Variants in PLCG2 observed in about 807,000 individuals in gnomAD.
The protein encoded by PLCG2 is phospholipase C gamma 2, also known as 1-phosphatidylinositol 4,5-bisphosphate phosphodiesterase gamma-2.
Under a neutral mutation model 175.6 loss-of-function variants are expected in PLCG2, and 69 were observed. The observed-to-expected ratio is 0.39, with a 90% confidence interval of 0.32 to 0.48. The LOEUF (loss-of-function observed/expected upper bound fraction) is 0.48, where lower values mean the gene tolerates loss of function less well. Ranked by LOEUF, PLCG2 falls within the 20% of genes least tolerant of loss-of-function variation. The pLI, the probability that PLCG2 is intolerant of heterozygous loss-of-function variation, is 0.91. For synonymous variants in PLCG2, 827 were observed against 624.0 expected (o/e 1.33, Z -4.85); for missense variants, 1,798 against 1,650.9 (o/e 1.09, Z -1.54).
intron 7 of PLCG2, among the ~76,000 whole-genome samples, chr16:81,877,591 C>A (rs1188177122): frequency 1.3e-5 from 2 of 152,206 alleles, no homozygotes; most frequent in Non-Finnish European, 2.9e-5. Context: ...TCTTTCATGG[C>A]TTCTAGTGGC....
At chr16:81,760,757 AAATAAT>A (rs60607620) in intron 2 of PLCG2, among the ~76,000 whole-genome samples, 19 of 146,378 alleles carry the variant, frequency 1.3e-4, no homozygotes, top group East Asian at 8.0e-4. Context: ...TTAAAAAAAA[AAATAAT>A]AATAATAATA....
chr16:81,821,101 A>G (rs1309550017), intron 2 of PLCG2, among the ~76,000 whole-genome samples: 1 of 152,224 alleles, frequency 6.6e-6, no homozygotes, highest in Non-Finnish European at 1.5e-5. Flanking sequence ...CATGTTGGCT[A>G]GGCTGGTCTA....
intron 2 of PLCG2, among the ~76,000 whole-genome samples, chr16:81,801,449 C>T (rs1597326042): frequency 6.6e-6 from 1 of 152,118 alleles, no homozygotes; most frequent in Non-Finnish European, 1.5e-5. Context: ...TGAAGATTTT[C>T]CATGTTGATG....
chr16:81,844,242 C>T (rs901477603), intron 2 of PLCG2, among the ~76,000 whole-genome samples: 15 of 151,594 alleles, frequency 9.9e-5, no homozygotes, highest in Admixed American at 9.2e-4. Context: ...ATCCACCCGC[C>T]TCGGCCTCCC....
chr16:81,857,505 C>T (rs1387354767), intron 3 of PLCG2, among the ~76,000 whole-genome samples: 1 of 134,988 alleles, frequency 7.4e-6, no homozygotes, highest in Non-Finnish European at 1.7e-5. Context: ...CTGGGAATGC[C>T]AAGATCAAGA....
At chr16:81,884,849 G>A (rs1400223001) in intron 9 of PLCG2, among the ~76,000 whole-genome samples, 2 of 151,920 alleles carry the variant, frequency 1.3e-5, no homozygotes, top group African/African-American at 4.8e-5. Context: ...GAACCACCAC[G>A]TATCATCACT....
intron 12 of PLCG2, among the ~76,000 whole-genome samples, chr16:81,895,246 C>T (rs1249232241): frequency 2.6e-5 from 4 of 152,142 alleles, no homozygotes; most frequent in Non-Finnish European, 4.4e-5. Flanking sequence ...AAATAAAACA[C>T]GTGGTAAAAT....
At chr16:81,867,365 C>A (rs1005758647) in intron 5 of PLCG2, among the ~76,000 whole-genome samples, 2 of 152,214 alleles carry the variant, frequency 1.3e-5, no homozygotes, top group Non-Finnish European at 1.5e-5. Context: ...CCACCCACCC[C>A]ACTAATTTCA....
chr16:81,836,817 G>A (rs1905541169), intron 2 of PLCG2, among the ~76,000 whole-genome samples: 1 of 152,222 alleles, frequency 6.6e-6, no homozygotes, highest in Non-Finnish European at 1.5e-5. Context: ...GAATGAGTCA[G>A]TGACTCTCTC....
Position 81,960,767 on chromosome 16 carries a change from T to G in PLCG2, c.*2769T>G, listed in dbSNP as rs1911751893. On this transcript the variant is annotated 3_prime_UTR_variant, in exon 33 of 33. Coordinates refer to ENST00000564138, the MANE Select transcript of PLCG2 (RefSeq NM_002661.5). ...GACCTAGTTAAAATCTAAACTTAAGTCGCCATGGCCAGTGGCCTTTAGATT... is the reference window on the plus strand; with the variant it reads ...GACCTAGTTAAAATCTAAACTTAAGGCGCCATGGCCAGTGGCCTTTAGATT... 4.4e-6 allele frequency: 1 copy of G among 229,108 alleles called. No individual in the cohort carries two copies. The highest frequency in any genetic ancestry group is 8.7e-6 in the Non-Finnish European group (1 of 115,560). 14.2% of individuals were successfully genotyped at this position (229,108 alleles called of 1,614,324 possible). A position where few individuals can be genotyped will look rare whatever the true frequency, so the allele number is the denominator to read the frequency against.
intron 17 of PLCG2, among the ~76,000 whole-genome samples, chr16:81,910,018 G>T (rs971385703): frequency 1.4e-5 from 2 of 145,906 alleles, no homozygotes; most frequent in African/African-American, 4.9e-5. Context: ...GGTGGGGTGG[G>T]GTGGGGGAAG....
intron 1 of PLCG2, among the ~76,000 whole-genome samples, chr16:81,781,242 A>G (rs1449971653): frequency 2.0e-5 from 3 of 152,176 alleles, no homozygotes; most frequent in Non-Finnish European, 4.4e-5. Flanking sequence ...TTATACTCAT[A>G]CAGTTGCAAC....
In PLCG2 at chr16:81,907,669, C is replaced by A; in HGVS notation, c.1468-16C>A. 1 of 1,598,452 alleles carries A rather than the reference C, an allele frequency of 6.3e-7. No homozygotes were observed. The highest frequency in any genetic ancestry group is 8.6e-7 in the Non-Finnish European group (1 of 1,165,768). ...TAGAGGACTTGGGGGGCACTAATAC[C>A]AGTTTCACTTTCTAGAAATGGACTC... is the stretch of plus-strand genomic sequence containing the variant. On this transcript the variant is annotated splice_polypyrimidine_tract_variant and intron_variant, in intron 15 of 32. Transcript: ENST00000564138.
rs1911672389 is a variant in PLCG2, at chr16:81,958,716, G to A, written c.*718G>A. 9.0e-6 allele frequency: 2 copies of A among 222,228 alleles called. No individual in the cohort carries two copies. Among genetic ancestry groups the A allele is most frequent in the Middle Eastern group, 1.4e-3 (1 of 702 alleles). The allele number at this position is 222,228 out of a possible 1,614,324, so 13.8% of individuals were successfully genotyped here. On this transcript the variant is annotated 3_prime_UTR_variant, in exon 33 of 33. Coordinates refer to ENST00000564138, the MANE Select transcript of PLCG2 (RefSeq NM_002661.5). ...AGACCAGAGCCGTGCTGCAGGGGCA[G>A]GTTCTCACTTGCCCCTGGCTCTGCC...
chr16:81,872,163 A>G (rs1053242045), intron 7 of PLCG2, among the ~76,000 whole-genome samples: 3 of 152,250 alleles, frequency 2.0e-5, no homozygotes, highest in South Asian at 4.1e-4. Context: ...CCCCATCTCT[A>G]CTAAAAATAC....
intron 2 of PLCG2, among the ~76,000 whole-genome samples, chr16:81,788,109 C>G (rs1435243550): frequency 6.6e-6 from 1 of 152,162 alleles, no homozygotes; most frequent in East Asian, 1.9e-4. Flanking sequence ...GGGTCATACA[C>G]TAACTCAGTT....
chr16:81,769,185 T>G (rs1910218645), intron 2 of PLCG2, among the ~76,000 whole-genome samples: 1 of 152,210 alleles, frequency 6.6e-6, no homozygotes, highest in African/African-American at 2.4e-5. Flanking sequence ...CCATGAGTGA[T>G]GAGCTGGTCT....
At position 81,769,236 on chromosome 16, in the gene PLCG2, C is replaced by G. The variant is rs564023462; in HGVS notation, c.-48+13270C>G. ...CGCAGGTAAAACCCCCTTACCATTA[C>G]GTCTAATATCTTCCTGTATCTGCCC... On this transcript the variant is annotated intron_variant, in intron 2 of 5. Transcript: ENST00000565054. Among the ~76,000 whole-genome samples, 4 of 152,218 alleles carry G rather than the reference C, an allele frequency of 2.6e-5. 1 individual carries two copies. Among genetic ancestry groups the G allele is most frequent in the Admixed American group, 2.6e-4 (4 of 15,276 alleles).
chr16:81,903,512 A>G (rs1909238744), intron 14 of PLCG2, among the ~76,000 whole-genome samples: 1 of 152,226 alleles, frequency 6.6e-6, no homozygotes, highest in Non-Finnish European at 1.5e-5. Context: ...CTTGCAGATG[A>G]GAAGTGTGAG....
Sources: gnomAD v4.1 joint callset for allele counts (sites outside exome capture counted in the v4.1 genomes callset) on GRCh38, gnomAD v4.1.1 for gene constraint, MANE v1.5 for transcripts, NCBI Gene and HGNC (gene_info 2026-07-23, HGNC 2026-07-21) for gene names.